Variants in DLG2 observed in about 807,000 individuals in gnomAD.
DLG2 encodes the protein discs large MAGUK scaffold protein 2.
A neutral mutation model predicts 132.5 loss-of-function variants in DLG2; 45 were observed. The ratio of observed to expected loss-of-function variants is 0.34; its 90% CI spans 0.27 to 0.44. The LOEUF is 0.44. Ranked by LOEUF, DLG2 falls within the 20% of genes least tolerant of loss-of-function variation. DLG2 has a pLI of 1.00. For synonymous variants in DLG2, 424 were observed against 419.6 expected (o/e 1.01, Z -0.13); for missense variants, 1,045 against 1,196.9 (o/e 0.87, Z 1.87).
chr11:85,320,543 A>G (rs2080989775), intron 3 of DLG2, among the ~76,000 whole-genome samples: 1 of 151,932 alleles, frequency 6.6e-6, no homozygotes, highest in African/African-American at 2.4e-5. Flanking sequence ...AAAAAATATA[A>G]AATTATATAC....
At chr11:85,385,575 C>G (rs1596742079) in intron 3 of DLG2, among the ~76,000 whole-genome samples, 1 of 152,160 alleles carries the variant, frequency 6.6e-6, no homozygotes, top group Admixed American at 6.5e-5. Flanking sequence ...ATGTCTCATG[C>G]AAGATCCAGC....
At chr11:85,378,489 T>A (rs1007675931) in intron 3 of DLG2, among the ~76,000 whole-genome samples, 5 of 152,270 alleles carry the variant, frequency 3.3e-5, no homozygotes, top group African/African-American at 9.6e-5. Context: ...CCAAATTAGA[T>A]AAGACTTGGT....
At chr11:83,946,430 C>T (rs2083982043) in intron 14 of DLG2, among the ~76,000 whole-genome samples, 1 of 152,124 alleles carries the variant, frequency 6.6e-6, no homozygotes, top group African/African-American at 2.4e-5. Flanking sequence ...CCCTGGACAT[C>T]CAGATTTGGT....
intron 3 of DLG2, chr11:85,509,968 T>C (rs547941066): frequency 6.6e-6 from 1 of 151,180 alleles, no homozygotes; most frequent in East Asian, 2.0e-4. Context: ...CATACTAAAA[T>C]TGGAATGATA....
chr11:85,085,206 T>G (rs1170187040), intron 6 of DLG2, among the ~76,000 whole-genome samples: 1 of 152,192 alleles, frequency 6.6e-6, no homozygotes, highest in Non-Finnish European at 1.5e-5. Context: ...GGTACTGCAC[T>G]GTACCTTACT....
chr11:83,563,219 C>T (rs1008616780), intron 19 of DLG2, among the ~76,000 whole-genome samples: 10 of 151,994 alleles, frequency 6.6e-5, no homozygotes, highest in South Asian at 6.2e-4. Context: ...CCTCATGATC[C>T]GCCCGCCTCG....
intron 6 of DLG2, among the ~76,000 whole-genome samples, chr11:84,812,809 T>G (rs947666961): frequency 2.6e-5 from 4 of 152,144 alleles, no homozygotes; most frequent in African/African-American, 9.7e-5. Context: ...ACACAACATT[T>G]ATGATTGGGT....
intron 19 of DLG2, among the ~76,000 whole-genome samples, chr11:83,608,420 T>C (rs75139552): frequency 0.017 from 2,574 of 152,134 alleles, 71 homozygotes; most frequent in African/African-American, 0.059. Flanking sequence ...TACTCCACAA[T>C]GAGCATTTCC....
At chr11:84,311,679 C>T (rs1439362353) in intron 7 of DLG2, among the ~76,000 whole-genome samples, 1 of 152,172 alleles carries the variant, frequency 6.6e-6, no homozygotes. Context: ...TGAAGCATAA[C>T]ACATAAAGAG....
intron 19 of DLG2, among the ~76,000 whole-genome samples, chr11:83,585,202 A>G (rs2097060742): frequency 6.6e-6 from 1 of 152,232 alleles, no homozygotes; most frequent in African/African-American, 2.4e-5. Context: ...AGAATCAAGT[A>G]AGATCTTTAA....
intron 3 of DLG2, among the ~76,000 whole-genome samples, chr11:85,431,900 A>T (rs79211749): frequency 0.02 from 3,019 of 152,320 alleles, 60 homozygotes; most frequent in Admixed American, 0.037. Context: ...CATCCTGTAC[A>T]GGAGTGTTCC....
chr11:85,619,706 C>T (rs894069143), intron 2 of DLG2, among the ~76,000 whole-genome samples: 143 of 151,982 alleles, frequency 9.4e-4, no homozygotes, highest in Non-Finnish European at 1.5e-3. Context: ...CAGTGGCAGG[C>T]GCCTGTAATC....
At chr11:84,285,148 T>C (rs2097896579) in intron 7 of DLG2, among the ~76,000 whole-genome samples, 1 of 152,218 alleles carries the variant, frequency 6.6e-6, no homozygotes, top group Admixed American at 6.5e-5. Flanking sequence ...TTGCTGGTCA[T>C]CTCTGCTCAG....
At chr11:85,118,395 G>A (rs986588313) in intron 5 of DLG2, among the ~76,000 whole-genome samples, 1 of 152,076 alleles carries the variant, frequency 6.6e-6, no homozygotes, top group African/African-American at 2.4e-5. Context: ...CAGAGGTGCA[G>A]TCTGTGGCTA....
At chr11:85,091,710 C>G (rs1191441996) in intron 6 of DLG2, among the ~76,000 whole-genome samples, 1 of 152,172 alleles carries the variant, frequency 6.6e-6, no homozygotes, top group African/African-American at 2.4e-5. Flanking sequence ...CTTTGCTCAT[C>G]CGTAACAAGC....
chr11:84,506,293 T>C (rs973456260), intron 7 of DLG2, among the ~76,000 whole-genome samples: 8 of 151,780 alleles, frequency 5.3e-5, no homozygotes, highest in Non-Finnish European at 1.0e-4. Context: ...GCCGGGATGG[T>C]CTCGATCTCC....
chr11:85,142,362 T>C (rs951865538), intron 5 of DLG2, among the ~76,000 whole-genome samples: 11 of 151,834 alleles, frequency 7.2e-5, no homozygotes, highest in African/African-American at 2.4e-4. Flanking sequence ...TTCAGGTTGT[T>C]CATTGTTGAC....
At chr11:85,058,388 A>T (rs1000686500) in intron 6 of DLG2, among the ~76,000 whole-genome samples, 2 of 151,586 alleles carry the variant, frequency 1.3e-5, no homozygotes, top group Non-Finnish European at 3.0e-5. Flanking sequence ...AAATTAAAGA[A>T]GACAAATAAA....
intron 9 of DLG2, among the ~76,000 whole-genome samples, chr11:84,150,595 T>C (rs1366681878): frequency 6.6e-6 from 1 of 152,204 alleles, no homozygotes; most frequent in African/African-American, 2.4e-5. Context: ...CCTATTTGGA[T>C]GCCTTTTATT....
Sources: allele counts gnomAD v4.1 joint callset (sites outside exome capture counted in the v4.1 genomes callset), GRCh38; gene constraint gnomAD v4.1.1; transcripts MANE v1.5; gene names NCBI Gene and HGNC (gene_info 2026-07-23, HGNC 2026-07-21).